RAB6B: variants seen among roughly 807,000 people sequenced by gnomAD.
The protein encoded by RAB6B is ras-related protein Rab-6B.
RAB6B carries 7 observed loss-of-function variants against 31.2 expected under a neutral mutation model. The observed-to-expected ratio is 0.22, with a 90% CI of 0.13 to 0.42. RAB6B has a LOEUF of 0.42. Ranked by LOEUF, RAB6B falls within the 10% of genes least tolerant of loss-of-function variation. The probability of loss-of-function intolerance (pLI) is 1.00; values close to 1 mark genes in which losing one functional copy is unlikely to be tolerated. For missense variants in RAB6B, 149 were observed against 280.6 expected (o/e 0.53, Z 3.35); for synonymous variants, 105 against 104.9 (o/e 1.00, Z -0.01).
chr3:133,829,600 T>C (rs540774114), intron 7 of RAB6B, among the ~76,000 whole-genome samples: 2 of 152,342 alleles, frequency 1.3e-5, no homozygotes, highest in Non-Finnish European at 2.9e-5. Context: ...AGAATTGCTC[T>C]TCCTGGACAG....
Position 133,851,032 on chromosome 3 carries a change from A to C in RAB6B, c.130-9369T>G, listed in dbSNP as rs762468119. ...AAAGTGTTCAAGAAAAAAAAAAAAAACCGTGGAAACAGAATTCTAAATCCA... is the reference window on the plus strand; with the variant it reads ...AAAGTGTTCAAGAAAAAAAAAAAAACCCGTGGAAACAGAATTCTAAATCCA... On this transcript the variant is annotated intron_variant, in intron 2 of 7. Coordinates refer to ENST00000285208, the MANE Select transcript of RAB6B (RefSeq NM_016577.4). Among the ~76,000 whole-genome samples the C allele has an allele frequency of 2.9e-3, 433 of 149,936 alleles. 2 individuals are homozygous for C. Among genetic ancestry groups the C allele is most frequent in the South Asian group, 5.5e-3 (26 of 4,716 alleles).
At chr3:133,864,231 C>T (rs375693172) in intron 2 of RAB6B, among the ~76,000 whole-genome samples, 31 of 152,094 alleles carry the variant, frequency 2.0e-4, no homozygotes, top group Admixed American at 2.6e-4. Flanking sequence ...ATGCATGAGG[C>T]GCAAGTTCGC....
intron 2 of RAB6B, among the ~76,000 whole-genome samples, chr3:133,855,424 C>T (rs1936061010): frequency 6.6e-6 from 1 of 152,218 alleles, no homozygotes; most frequent in Admixed American, 6.5e-5. Context: ...ACTTTAGTCA[C>T]CACCCAATTT....
intron 2 of RAB6B, among the ~76,000 whole-genome samples, chr3:133,846,922 T>C (rs1044171484): frequency 5.3e-5 from 8 of 152,190 alleles, no homozygotes; most frequent in African/African-American, 1.9e-4. Flanking sequence ...GTCACATAAT[T>C]TGTCACCAGC....
chr3:133,843,804 C>T (rs1340893252), intron 2 of RAB6B, among the ~76,000 whole-genome samples: 1 of 152,128 alleles, frequency 6.6e-6, no homozygotes, highest in African/African-American at 2.4e-5. Context: ...CACAGCTGCT[C>T]CCTTTCCCAC....
At chr3:133,834,979 T>C (rs1935711778) in intron 6 of RAB6B, among the ~76,000 whole-genome samples, 1 of 152,230 alleles carries the variant, frequency 6.6e-6, no homozygotes, top group Admixed American at 6.5e-5. Context: ...GGTTTGGGCC[T>C]CTGGGTGACA....
chr3:133,849,182 C>G (rs537521863), intron 2 of RAB6B, among the ~76,000 whole-genome samples: 30 of 152,160 alleles, frequency 2.0e-4, no homozygotes, highest in Non-Finnish European at 2.9e-4. Context: ...TCTGAGCCCT[C>G]AGGTTGGTCC....
Position 133,882,385 on chromosome 3 carries a change from C to G in RAB6B, c.70+13012G>C, listed in dbSNP as rs529773827. Among the ~76,000 whole-genome samples, 13 of 152,342 alleles carry G rather than the reference C, an allele frequency of 8.5e-5. No homozygotes were observed. In the East Asian group the frequency reaches 2.5e-3, roughly 29 times the overall value. On this transcript the variant is annotated intron_variant, in intron 1 of 7. Transcript: ENST00000285208. Reference sequence around the variant, plus strand: ...GCAAGTCACAAGTTCCATCTGCACTCTGGGGAGGAGGCTATGCAAGGGTAT... The same window carrying G: ...GCAAGTCACAAGTTCCATCTGCACTGTGGGGAGGAGGCTATGCAAGGGTAT...
chr3:133,894,396 T>C (rs116569409), intron 1 of RAB6B: 2,633 of 152,298 alleles, frequency 0.017, 25 homozygotes, highest in Middle Eastern at 0.065. Context: ...ACTAACCTGG[T>C]TTTCAGAGAT....
chr3:133,841,522 G>A lies in RAB6B; in HGVS notation c.183+88C>T, dbSNP rs930870491. 1.3e-5 allele frequency: 20 copies of A among 1,542,360 alleles called. No homozygotes were observed. In the African/African-American group the frequency reaches 2.5e-4, roughly 19 times the overall value. On this transcript the variant is annotated intron_variant, in intron 3 of 7. Coordinates refer to ENST00000285208, the MANE Select transcript of RAB6B (RefSeq NM_016577.4). ...GCTCCAGCCCCTAGTGTCGGCAGGT[G>A]CTCTCAGTGGTGCCCAGCTAAGGGT...
intron 1 of RAB6B, among the ~76,000 whole-genome samples, chr3:133,879,208 A>C (rs1936434194): frequency 6.6e-6 from 1 of 152,254 alleles, no homozygotes; most frequent in South Asian, 2.1e-4. Context: ...TCTTTGTATA[A>C]TCCTAAAACT....
At chr3:133,833,049 C>CG (rs1357552437) in intron 7 of RAB6B, among the ~76,000 whole-genome samples, 3 of 152,188 alleles carry the variant, frequency 2.0e-5, no homozygotes, top group African/African-American at 7.2e-5. Context: ...GGATGGAGAG[C>CG]GGGCAGTGCA....
intron 2 of RAB6B, among the ~76,000 whole-genome samples, chr3:133,858,370 C>G (rs1256423420): frequency 1.3e-5 from 2 of 152,174 alleles, no homozygotes; most frequent in African/African-American, 2.4e-5. Context: ...AAGGAAGAGA[C>G]CTGTATTTGT....
rs185533710 is a variant in RAB6B at position 133,858,833 on chromosome 3, C to T, written c.129+5751G>A. ...ACAGGCCCCACTACTGCCCTCCACT[C>T]CAACATGCCGAGCTTTTCAGCGTCT... On this transcript the variant is annotated intron_variant, in intron 2 of 7. Transcript: ENST00000285208. Among the ~76,000 whole-genome samples the T allele has an allele frequency of 3.3e-5, 5 of 152,322 alleles. No individual in the cohort carries two copies. In the East Asian group the frequency reaches 9.6e-4, roughly 29 times the overall value.
chr3:133,855,807 C>A (rs114486939), intron 2 of RAB6B, among the ~76,000 whole-genome samples: 28,333 of 152,094 alleles, frequency 0.19, 3,091 homozygotes, highest in Non-Finnish European at 0.25. Context: ...GTGGGCCCAC[C>A]CAGCACCCAT....
chr3:133,884,659 C>T (rs1936513658), intron 1 of RAB6B, among the ~76,000 whole-genome samples: 1 of 152,146 alleles, frequency 6.6e-6, no homozygotes, highest in African/African-American at 2.4e-5. Context: ...GGCTAGGGGG[C>T]CTCATATAAC....
At position 133,864,719 on chromosome 3, in the gene RAB6B, A is replaced by C. The variant is rs886315300; in HGVS notation, c.71-77T>G. 11 of 1,398,036 alleles carry C rather than the reference A, an allele frequency of 7.9e-6. No individual in the cohort carries two copies. The African/African-American group carries it at 1.6e-4, about 20-fold the overall frequency. The allele number at this position is 1,398,036 out of a possible 1,614,324, so 86.6% of individuals were successfully genotyped here. On this transcript the variant is annotated intron_variant, in intron 1 of 7. Transcript: ENST00000285208. ...CTTCTAAACACACTGCATTTGAAGA[A>C]AAGATAACAAAACCAAAAAGCACAG...
chr3:133,866,571 T>C (rs1036053367), intron 1 of RAB6B, among the ~76,000 whole-genome samples: 4 of 152,364 alleles, frequency 2.6e-5, no homozygotes, highest in Admixed American at 2.6e-4. Flanking sequence ...CTTCTAATTT[T>C]ACCTGGAAGC....
intron 2 of RAB6B, among the ~76,000 whole-genome samples, chr3:133,850,198 G>T (rs531437463): frequency 1.3e-5 from 2 of 152,236 alleles, no homozygotes; most frequent in South Asian, 4.2e-4. Context: ...ACCACGGGGG[G>T]GAGAATTGAG....
Sources: allele counts gnomAD v4.1 joint callset (sites outside exome capture counted in the v4.1 genomes callset), GRCh38; gene constraint gnomAD v4.1.1; transcripts MANE v1.5; gene names NCBI Gene and HGNC (gene_info 2026-07-23, HGNC 2026-07-21).